Variants in MTF1 observed in about 807,000 individuals in gnomAD.
MTF1 encodes metal regulatory transcription factor 1.
A neutral mutation model predicts 70.4 loss-of-function variants in MTF1; 22 were observed. The observed-to-expected ratio is 0.31, with a 90% confidence interval of 0.22 to 0.45. The LOEUF (loss-of-function observed/expected upper bound fraction) is 0.45, where lower values mean the gene tolerates loss of function less well. Among genes scored for constraint, MTF1 ranks in the 20% least tolerant of loss-of-function variants. MTF1 has a pLI of 1.00. For synonymous variants in MTF1, 333 were observed against 352.8 expected (o/e 0.94, Z 0.63); for missense variants, 649 against 922.0 (o/e 0.70, Z 3.83).
rs931131688 is a variant in MTF1, at chr1:37,857,633, T to A, written c.26A>T (p.Asn9Ile). 3.1e-6 allele frequency: 5 copies of A among 1,613,964 alleles called. No individual in the cohort carries two copies. Among genetic ancestry groups the A allele is most frequent in the Non-Finnish European group, 4.2e-6 (5 of 1,180,016 alleles). ...TTCCTCTGCCTCAAAGTAGATGATG[T>A]TGTTGTCTGGACTGTGTTCCCCCAT... MGEHSPDN[N>I]IIYFEAEEDE... The change falls in exon 2 of 11, where the codon AAC becomes ATC. Residue 9 changes from asparagine (N) to isoleucine (I), a missense_variant. Around this residue, in one of 7 missense-constraint regions of MTF1, gnomAD observed 34 missense variants for 38.7 expected, o/e 0.88. Coordinates refer to ENST00000373036, the MANE Select transcript of MTF1 (RefSeq NM_005955.3).
chr1:37,857,113 G>A, intron 2 of MTF1, 138 bp downstream of exon 2: 1 of 750,858 alleles, frequency 1.3e-6, no homozygotes, highest in Admixed American at 2.9e-5. Flanking sequence ...CAAAACCTGA[G>A]GCATATGTTG....
rs1033327187 is a variant in MTF1, at chr1:37,811,320, G to T, written c.*3816C>A. ...AGAATGCATAATAGTGTTTCCCTAT[G>T]GACAGTCTCACAGCACAGGGCTGAT... On this transcript the variant is annotated 3_prime_UTR_variant, in exon 11 of 11. Coordinates refer to ENST00000373036, the MANE Select transcript of MTF1 (RefSeq NM_005955.3). 1 of 152,654 alleles carries T rather than the reference G, an allele frequency of 6.6e-6. No homozygotes were observed. Among genetic ancestry groups the T allele is most frequent in the Admixed American group, 6.5e-5 (1 of 15,282 alleles). 9.5% of individuals were successfully genotyped at this position (152,654 alleles called of 1,614,324 possible). A position where few individuals can be genotyped will look rare whatever the true frequency, so the allele number is the denominator to read the frequency against.
chr1:37,829,784 CAAA>C (rs57820411), intron 7 of MTF1, among the ~76,000 whole-genome samples: 2 of 105,900 alleles, frequency 1.9e-5, no homozygotes, highest in Admixed American at 1.0e-4. Flanking sequence ...GACTCTGTCT[CAAA>C]AAAAAAAAAA....
At chr1:37,823,499 A>T (rs1640950743) in intron 8 of MTF1, among the ~76,000 whole-genome samples, 1 of 152,136 alleles carries the variant, frequency 6.6e-6, no homozygotes, top group South Asian at 2.1e-4. Context: ...TGGTGGTTTT[A>T]CAGCCAACAG....
chr1:37,821,570 G>T (rs754356818), intron 9 of MTF1, among the ~76,000 whole-genome samples: 1 of 152,088 alleles, frequency 6.6e-6, no homozygotes, highest in South Asian at 2.1e-4. Context: ...GGCTTTCAAA[G>T]TTGTGAGATT....
intron 2 of MTF1, among the ~76,000 whole-genome samples, chr1:37,856,204 GTCTC>G (rs1430296558): frequency 9.7e-6 from 1 of 103,616 alleles, no homozygotes; most frequent in South Asian, 3.3e-4. Context: ...TTGAGACTGA[GTCTC>G]TCTCTCTCAT....
chr1:37,821,604 C>T (rs935341254), intron 9 of MTF1, among the ~76,000 whole-genome samples: 2 of 152,252 alleles, frequency 1.3e-5, no homozygotes, highest in Admixed American at 6.5e-5. Context: ...CAATTCTTCA[C>T]GATGAAGCAT....
intron 2 of MTF1, among the ~76,000 whole-genome samples, chr1:37,856,980 G>A (rs1641507337): frequency 6.6e-6 from 1 of 152,144 alleles, no homozygotes; most frequent in African/African-American, 2.4e-5. Flanking sequence ...AGAAACATGG[G>A]TCTACTTAAG....
intron 1 of MTF1, among the ~76,000 whole-genome samples, chr1:37,859,289 T>C (rs1163144140): frequency 1.3e-5 from 2 of 152,092 alleles, no homozygotes; most frequent in Non-Finnish European, 2.9e-5. Context: ...AGCACAGGGC[T>C]ACACAGAAAA....
Position 37,814,010 on chromosome 1 carries a change from T to C in MTF1, c.*1126A>G, listed in dbSNP as rs573406501. The C allele has an allele frequency of 6.7e-6, 1 of 148,756 alleles. No homozygotes were observed. The highest frequency in any genetic ancestry group is 2.1e-4 in the South Asian group (1 of 4,686). 9.2% of individuals were successfully genotyped at this position (148,756 alleles called of 1,614,324 possible). ...TTTGTGTTTCTTTTTTTTTTTTTTT[T>C]AAATAAATCACATGACTAAGCTGAG... On this transcript the variant is annotated 3_prime_UTR_variant, in exon 11 of 11. Coordinates refer to ENST00000373036, the MANE Select transcript of MTF1 (RefSeq NM_005955.3).
chr1:37,852,993 C>G (rs528812015), intron 2 of MTF1, among the ~76,000 whole-genome samples: 2 of 152,198 alleles, frequency 1.3e-5, no homozygotes, highest in Non-Finnish European at 2.9e-5. Flanking sequence ...ATAACACGTA[C>G]GAAGTTCTCT....
chr1:37,809,824 G>A lies in MTF1; in HGVS notation c.*5312C>T, dbSNP rs1003472677. On this transcript the variant is annotated 3_prime_UTR_variant, in exon 11 of 11. Transcript: ENST00000373036. ...AACGTTTTCACATCGCTCAGTGGAA[G>A]TCCGTTGTTCCCATGTTTCACACTT... 3 of 152,568 alleles carry A rather than the reference G, an allele frequency of 2.0e-5. No individual in the cohort carries two copies. Among genetic ancestry groups the A allele is most frequent in the Non-Finnish European group, 4.4e-5 (3 of 68,020 alleles). 9.5% of individuals were successfully genotyped at this position (152,568 alleles called of 1,614,324 possible). A position where few individuals can be genotyped will look rare whatever the true frequency, so the allele number is the denominator to read the frequency against.
chr1:37,814,916 T>TA lies in MTF1; in HGVS notation c.*219dup. The TA allele has an allele frequency of 1.9e-6, 1 of 536,778 alleles. No homozygotes were observed. The highest frequency in any genetic ancestry group is 3.1e-5 in the East Asian group (1 of 32,602). The allele number at this position is 536,778 out of a possible 1,614,324, so 33.3% of individuals were successfully genotyped here. A position where few individuals can be genotyped will look rare whatever the true frequency, so the allele number is the denominator to read the frequency against. ...GCAGCCAAACAGTTCACTTATAACT[T>TA]AGCTTTTTTTGTTGTTTTTTTTGTT... On this transcript the variant is annotated 3_prime_UTR_variant, in exon 11 of 11. Transcript: ENST00000373036.
chr1:37,823,751 T>C lies in MTF1; in HGVS notation c.1130A>G (p.Asn377Ser), dbSNP rs1640956276. The change falls in exon 8 of 11, where the codon AAT (asparagine) becomes AGT (serine). Residue 377 changes from asparagine to serine, a missense_variant. Asn to Ser is a conservative substitution (Grantham distance 46). Coordinates refer to ENST00000373036, the MANE Select transcript of MTF1 (RefSeq NM_005955.3). ...TTCCTGAATTGCCGTATCATCTGAA[T>C]TCTGGAACATTGATTCAAAGATGAT... is the stretch of plus-strand genomic sequence containing the variant. ...PAIIFESMFQNSDDTAIQEDP... is the reference protein window; with the variant it reads ...PAIIFESMFQSSDDTAIQEDP... The C allele has an allele frequency of 1.2e-6, 2 of 1,614,132 alleles. No individual in the cohort carries two copies. Among genetic ancestry groups the C allele is most frequent in the Non-Finnish European group, 1.7e-6 (2 of 1,179,998 alleles).
chr1:37,824,068 C>T (rs1640964031), intron 7 of MTF1, among the ~76,000 whole-genome samples: 1 of 152,106 alleles, frequency 6.6e-6, no homozygotes, highest in Non-Finnish European at 1.5e-5. Flanking sequence ...TGGTCTTGAA[C>T]TCCTGGGCTC....
chr1:37,833,574 G>A (rs1397614520), intron 6 of MTF1, among the ~76,000 whole-genome samples: 4 of 152,068 alleles, frequency 2.6e-5, no homozygotes, highest in Non-Finnish European at 4.4e-5. Flanking sequence ...ATTAGACACC[G>A]TTCCAGACCC....
Position 37,829,579 on chromosome 1 carries a change from G to A in MTF1, c.1068+2666C>T, listed in dbSNP as rs540047581. Among the ~76,000 whole-genome samples the A allele has an allele frequency of 3.7e-3, 564 of 152,072 alleles. 7 individuals are homozygous for A. Among genetic ancestry groups the A allele is most frequent in the African/African-American group, 0.013 (529 of 41,518 alleles). On this transcript the variant is annotated intron_variant, in intron 7 of 10. Transcript: ENST00000373036. ...GGGCGGATCACGAGGTCAGGAGATC[G>A]AGACCATCCTGGCTAGCATGGTGAA... is the stretch of plus-strand genomic sequence containing the variant.
intron 10 of MTF1, 64 bp downstream of exon 10, chr1:37,817,355 A>C (rs1432648628): frequency 1.0e-6 from 1 of 966,284 alleles, no homozygotes; most frequent in African/African-American, 1.6e-5. Flanking sequence ...CAAAGCAATA[A>C]TTAGCTGTGC....
At chr1:37,829,207 C>G (rs1053029523) in intron 7 of MTF1, among the ~76,000 whole-genome samples, 2 of 151,440 alleles carry the variant, frequency 1.3e-5, no homozygotes, top group African/African-American at 4.9e-5. Flanking sequence ...AGGGCTCAAA[C>G]AATCCTTTTG....
Sources: gnomAD v4.1 joint callset for allele counts (sites outside exome capture counted in the v4.1 genomes callset) on GRCh38, gnomAD v4.1.1 for gene constraint, gnomAD v4.1.1 regional missense constraint, MANE v1.5 for transcripts, NCBI Gene and HGNC (gene_info 2026-07-23, HGNC 2026-07-21) for gene names.